TAF1: variants seen among roughly 807,000 people sequenced by gnomAD.
TAF1 encodes transcription initiation factor TFIID subunit 1.
TAF1 carries 2 observed loss-of-function variants against 138.5 expected under a neutral mutation model. The ratio of observed to expected loss-of-function variants is 0.01; its 90% CI spans 0.01 to 0.05. The LOEUF (loss-of-function observed/expected upper bound fraction) is 0.05. Ranked by LOEUF, TAF1 falls within the 10% of genes least tolerant of loss-of-function variation. TAF1 has a pLI of 1.00. For missense variants in TAF1, 709 were observed against 1,478.0 expected, an observed-to-expected ratio of 0.48 and a Z score of 8.53; for synonymous variants, 437 against 503.2, an observed-to-expected ratio of 0.87 and a Z score of 1.76.
chrX:71,452,394 G>C (rs779142117), intron 32 of TAF1, among the ~76,000 whole-genome samples: 3 of 110,675 alleles, frequency 2.7e-5, no homozygotes, highest in Non-Finnish European at 5.7e-5. Flanking sequence ...GGTCGCGGCC[G>C]GGCAGAGGTG....
intron 32 of TAF1, among the ~76,000 whole-genome samples, chrX:71,448,050 G>A (rs984673631): frequency 1.3e-4 from 14 of 111,811 alleles, no homozygotes; most frequent in African/African-American, 3.9e-4. Flanking sequence ...ATTCCTTTTC[G>A]TGAGTGGGTA....
At chrX:71,435,455 A>G (rs2037092569) in intron 32 of TAF1, among the ~76,000 whole-genome samples, 1 of 111,751 alleles carries the variant, frequency 8.9e-6, no homozygotes, top group Non-Finnish European at 1.9e-5. Flanking sequence ...GTGCCTTGCA[A>G]TTTCCAGCTG....
At chrX:71,474,083 T>C (rs1178872538) in intron 13 of TAF1, among the ~76,000 whole-genome samples, 1 of 110,180 alleles carries the variant, frequency 9.1e-6, no homozygotes, top group East Asian at 2.8e-4. Flanking sequence ...AAGCAGAGGT[T>C]GTAGTGAGCC....
In TAF1 at chrX:71,484,763, C is replaced by T. The variant is rs773194663; in HGVS notation, c.1366+23960C>T. 2.7e-5 allele frequency: 3 copies of T among 111,973 alleles called. No individual in the cohort carries two copies. The East Asian group carries it at 8.3e-4, about 31-fold the overall frequency. The allele number at this position is 111,973 out of a possible 1,213,427, so 9.2% of individuals were successfully genotyped here. Reference sequence around the variant, plus strand: ...CCTCCTCTTGTGTGTGGGCTGGGCCCGATGATATAACAAATGGAATACAGT... The same window carrying T: ...CCTCCTCTTGTGTGTGGGCTGGGCCTGATGATATAACAAATGGAATACAGT... On this transcript the variant is annotated intron_variant and NMD_transcript_variant, in intron 13 of 14. Transcript: ENST00000373775.
At chrX:71,405,203 C>T (rs1413509591) in intron 25 of TAF1, among the ~76,000 whole-genome samples, 1 of 111,279 alleles carries the variant, frequency 9.0e-6, no homozygotes, top group Non-Finnish European at 1.9e-5. Flanking sequence ...AGGTGATCCA[C>T]CTGCCTCGGC....
At chrX:71,397,191 A>G (rs1474865185) in intron 22 of TAF1, 62 bp from the exon 23 acceptor site, 3 of 1,126,051 alleles carry the variant, frequency 2.7e-6, no homozygotes, top group African/African-American at 1.8e-5. Flanking sequence ...ACTCAATCCC[A>G]AGAAAATGAT....
In TAF1 at chrX:71,388,767, T is replaced by G. The variant is rs2034389735; in HGVS notation, c.2599T>G (p.Ser867Ala). ...GMDSNWWVLKSDFRLPTEEEI... is the reference protein window; with the variant it reads ...GMDSNWWVLKADFRLPTEEEI... ...GGACTCAAACTGGTGGGTGCTTAAGTCTGATTTTCGTTTACCAACGGAAGA... is the reference window on the plus strand; with the variant it reads ...GGACTCAAACTGGTGGGTGCTTAAGGCTGATTTTCGTTTACCAACGGAAGA... The change falls in exon 17 of 38, where the codon TCT becomes GCT. Residue 867 changes from serine (S) to alanine (A), a missense_variant. Around this residue, in one of 14 missense-constraint regions of TAF1, gnomAD observed 4 missense variants for 34.8 expected, o/e 0.11. Transcript: ENST00000423759. The G allele has an allele frequency of 1.7e-6, 2 of 1,209,991 alleles. No individual in the cohort carries two copies. The highest frequency in any genetic ancestry group is 3.5e-5 in the African/African-American group (2 of 57,162).
At chrX:71,526,556 T>C (rs1300674544) in intron 13 of TAF1, among the ~76,000 whole-genome samples, 2 of 112,066 alleles carry the variant, frequency 1.8e-5, no homozygotes, top group Admixed American at 9.5e-5. Context: ...TAGTGCAACC[T>C]TAAAATAATT....
exon 15 of TAF1, chrX:71,529,957 G>A: frequency 5.1e-6 from 1 of 195,156 alleles, no homozygotes; most frequent in Admixed American, 6.7e-5. Context: ...CATAGGGTGT[G>A]CTCCCCTTGC....
rs1016795069 is a variant in TAF1 at position 71,388,101 on chromosome X, G to A, written c.2428-136G>A. The A allele has an allele frequency of 5.6e-5, 53 of 948,109 alleles. No individual in the cohort carries two copies. In the East Asian group the frequency reaches 1.5e-3, roughly 27 times the overall value. 78.1% of individuals were successfully genotyped at this position (948,109 alleles called of 1,213,427 possible). On this transcript the variant is annotated intron_variant, in intron 15 of 37. Coordinates refer to ENST00000423759, the MANE Select transcript of TAF1 (RefSeq NM_004606.5). ...GGTGACAGAGCGAGACTCCGTCTCA[G>A]AAAAAGTAGGCTGTGTGGGTTTGGG...
intron 26 of TAF1, 91 bp downstream of exon 26, chrX:71,406,837 C>A: frequency 1.5e-6 from 1 of 680,670 alleles, no homozygotes; most frequent in Non-Finnish European, 2.2e-6. Context: ...TTAGATTCTC[C>A]AGTTGCCTTG....
intron 8 of TAF1, 58 bp downstream of exon 8, chrX:71,379,089 A>C: frequency 1.1e-6 from 1 of 873,577 alleles, no homozygotes; most frequent in Non-Finnish European, 1.6e-6. Flanking sequence ...AGTCACCATA[A>C]GTGGGCTCAG....
At chrX:71,416,649 G>C (rs751869631) in intron 28 of TAF1, 11 of 315,171 alleles carry the variant, frequency 3.5e-5, no homozygotes, top group Non-Finnish European at 5.4e-5. Context: ...ACACAAGGTC[G>C]ATAGAAAAGG....
chrX:71,453,619 C>T (rs2038152276), intron 32 of TAF1, among the ~76,000 whole-genome samples: 1 of 110,636 alleles, frequency 9.0e-6, no homozygotes, highest in Non-Finnish European at 1.9e-5. Context: ...GTCCATGGTT[C>T]ATTCTTGGTG....
chrX:71,481,483 C>T (rs930836992), intron 13 of TAF1, among the ~76,000 whole-genome samples: 4 of 112,224 alleles, frequency 3.6e-5, no homozygotes, highest in African/African-American at 1.3e-4. Flanking sequence ...GGAAAGGAGA[C>T]CAGAGTCAAA....
At chrX:71,424,389 C>A in intron 32 of TAF1, 151 bp downstream of exon 32, 1 of 316,731 alleles carries the variant, frequency 3.2e-6, no homozygotes, top group South Asian at 1.3e-4. Context: ...TTCACTGAAC[C>A]AGGCACACGC....
chrX:71,450,494 C>G (rs759255970), intron 32 of TAF1, among the ~76,000 whole-genome samples: 2 of 112,421 alleles, frequency 1.8e-5, no homozygotes, highest in Non-Finnish European at 3.8e-5. Flanking sequence ...TGAGCCACTG[C>G]GCCTGGCCTG....
At chrX:71,373,213 G>T (rs1335914326) in intron 3 of TAF1, among the ~76,000 whole-genome samples, 1 of 102,324 alleles carries the variant, frequency 9.8e-6, no homozygotes, top group Non-Finnish European at 2.0e-5. Flanking sequence ...TGTTGCCCAG[G>T]CTGGAGTGCA....
intron 37 of TAF1, among the ~76,000 whole-genome samples, chrX:71,463,507 T>C (rs748478779): frequency 3.6e-5 from 4 of 111,404 alleles, no homozygotes; most frequent in Non-Finnish European, 7.5e-5. Flanking sequence ...TCTTCAGGAC[T>C]ATTGACTAAT....
Sources: gnomAD v4.1 joint callset for allele counts (sites outside exome capture counted in the v4.1 genomes callset) on GRCh38, gnomAD v4.1.1 for gene constraint, gnomAD v4.1.1 regional missense constraint, MANE v1.5 for transcripts, NCBI Gene and HGNC (gene_info 2026-07-23, HGNC 2026-07-21) for gene names.